The following GCNT1 variants were observed in gnomAD, a reference collection of about 807,000 sequenced individuals.
GCNT1 encodes beta-1,3-galactosyl-O-glycosyl-glycoprotein beta-1,6-N-acetylglucosaminyltransferase.
Under a neutral mutation model 26.2 loss-of-function variants are expected in GCNT1, and 16 were observed. The observed-to-expected ratio is 0.61, with a 90% CI of 0.41 to 0.93. The LOEUF (loss-of-function observed/expected upper bound fraction) is 0.93, where lower values mean the gene tolerates loss of function less well. Among genes scored for constraint, GCNT1 ranks in the 40% least tolerant of loss-of-function variants. GCNT1 has a pLI of 0.00. For synonymous variants in GCNT1, 183 were observed against 190.8 expected (o/e 0.96, Z 0.34); for missense variants, 477 against 526.7 (o/e 0.91, Z 0.92).
intron 1 of GCNT1, among the ~76,000 whole-genome samples, chr9:76,448,177 C>T (rs1201970979): frequency 1.3e-5 from 2 of 152,168 alleles, no homozygotes; most frequent in Admixed American, 6.5e-5. Context: ...CACAGCCAGG[C>T]GCGGTGGCTC....
At chr9:76,404,124 T>C in the GCNT1 span, among the ~76,000 whole-genome samples, 1 of 152,210 alleles carries the variant, frequency 6.6e-6, no homozygotes, top group African/African-American at 2.4e-5. Context: ...TTCTCTCAAA[T>C]TCATGATACC....
intron 1 of GCNT1, among the ~76,000 whole-genome samples, chr9:76,428,062 C>G (rs1055335330): frequency 2.0e-5 from 3 of 151,886 alleles, no homozygotes; most frequent in Non-Finnish European, 2.9e-5. Flanking sequence ...GTCAGGAGAT[C>G]GAGACCATCC....
chr9:76,436,652 C>T (rs549814091), intron 1 of GCNT1, among the ~76,000 whole-genome samples: 8 of 147,882 alleles, frequency 5.4e-5, no homozygotes, highest in East Asian at 3.9e-4. Context: ...CTGAAAATTT[C>T]GTCCATTTAC....
chr9:76,456,956 C>CA (rs1823767337), upstream of GCNT1, among the ~76,000 whole-genome samples: 1 of 152,220 alleles, frequency 6.6e-6, no homozygotes, highest in African/African-American at 2.4e-5. Flanking sequence ...GCCTGAGTAA[C>CA]AGAGTGAGAC....
intron 2 of GCNT1, among the ~76,000 whole-genome samples, chr9:76,477,824 C>T (rs1320705329): frequency 2.0e-5 from 3 of 152,206 alleles, no homozygotes; most frequent in Admixed American, 6.5e-5. Flanking sequence ...AACCATGCTA[C>T]TTTCTGCCTC....
chr9:76,485,016 A>T (rs1056006984), intron 2 of GCNT1, among the ~76,000 whole-genome samples: 4 of 152,014 alleles, frequency 2.6e-5, no homozygotes, highest in Non-Finnish European at 4.4e-5. Flanking sequence ...CTCAAACTCC[A>T]GACCTCATGA....
rs145950708 is a variant in GCNT1, at chr9:76,472,269, C to T, written c.-290+12092C>T. Among the ~76,000 whole-genome samples the T allele has an allele frequency of 3.5e-3, 535 of 152,178 alleles. 3 individuals carry two copies. Among genetic ancestry groups the T allele is most frequent in the African/African-American group, 0.011 (474 of 41,520 alleles). ...CTGTACTTCAGCCTGGGCAACAGAG[C>T]GAGACTTTGTCTCAAAGAAAAAAAG... On this transcript the variant is annotated intron_variant, in intron 2 of 3. Coordinates refer to ENST00000376730, the MANE Select transcript of GCNT1 (RefSeq NM_001490.5).
chr9:76,487,815 G>T (rs1824620707), intron 2 of GCNT1, among the ~76,000 whole-genome samples: 1 of 152,156 alleles, frequency 6.6e-6, no homozygotes, highest in African/African-American at 2.4e-5. Context: ...GCTTACTGCA[G>T]CCTTGACCTC....
At chr9:76,472,590 G>T (rs1437976605) in intron 2 of GCNT1, among the ~76,000 whole-genome samples, 1 of 152,080 alleles carries the variant, frequency 6.6e-6, no homozygotes, top group Non-Finnish European at 1.5e-5. Flanking sequence ...TGCTCTTCTT[G>T]TAAGTTTTCT....
Position 76,506,769 on chromosome 9 carries a change from T to A in GCNT1, c.*3101T>A, listed in dbSNP as rs1825249219. The stretch of plus-strand genomic sequence containing the variant: ...TTTCTAAACATATATTTATGTCATT[T>A]ATTAAGTACAGTTCACTTAAATAAC... On this transcript the variant is annotated 3_prime_UTR_variant, in exon 4 of 4. Transcript: ENST00000376730. 1 of 167,082 alleles carries A rather than the reference T, an allele frequency of 6.0e-6. No homozygotes were observed. The highest frequency in any genetic ancestry group is 2.4e-5 in the African/African-American group (1 of 41,460). The allele number at this position is 167,082 out of a possible 1,614,324, so 10.3% of individuals were successfully genotyped here. A position where few individuals can be genotyped will look rare whatever the true frequency, so the allele number is the denominator to read the frequency against.
chr9:76,478,819 T>C (rs749167587), intron 2 of GCNT1, among the ~76,000 whole-genome samples: 2 of 152,262 alleles, frequency 1.3e-5, no homozygotes, highest in Non-Finnish European at 2.9e-5. Flanking sequence ...GAAATTTGTA[T>C]GGGTAAAGCC....
intron 1 of GCNT1, among the ~76,000 whole-genome samples, chr9:76,431,477 G>C (rs931740646): frequency 2.3e-4 from 35 of 152,318 alleles, no homozygotes; most frequent in African/African-American, 8.4e-4. Context: ...GTCTGGGAGA[G>C]AACACAGAGC....
At chr9:76,470,135 G>A (rs1272332865) in intron 2 of GCNT1, among the ~76,000 whole-genome samples, 1 of 152,076 alleles carries the variant, frequency 6.6e-6, no homozygotes, top group East Asian at 1.9e-4. Flanking sequence ...TCTAAGTCAA[G>A]TGTAAATGTA....
intron 1 of GCNT1, among the ~76,000 whole-genome samples, chr9:76,448,813 C>T (rs1219288769): frequency 6.6e-6 from 1 of 152,184 alleles, no homozygotes; most frequent in Non-Finnish European, 1.5e-5. Flanking sequence ...TCTTAAATGT[C>T]ATTCCATTAT....
chr9:76,471,391 T>G (rs527820996), intron 2 of GCNT1, among the ~76,000 whole-genome samples: 53 of 152,302 alleles, frequency 3.5e-4, no homozygotes, highest in African/African-American at 1.2e-3. Flanking sequence ...ACCCCTATAC[T>G]GAAGACCTAG....
At chr9:76,396,652 G>A in the GCNT1 span, among the ~76,000 whole-genome samples, 1 of 151,968 alleles carries the variant, frequency 6.6e-6, no homozygotes, top group Non-Finnish European at 1.5e-5. Flanking sequence ...GACCAGCCTG[G>A]GCAACATGGT....
At chr9:76,435,316 C>T (rs988227099) in intron 1 of GCNT1, among the ~76,000 whole-genome samples, 3 of 152,230 alleles carry the variant, frequency 2.0e-5, no homozygotes, top group Middle Eastern at 3.4e-3. Flanking sequence ...TAGTCTTTCT[C>T]TTTATTTCTC....
At chr9:76,419,256 A>G (rs561269169), upstream of GCNT1, among the ~76,000 whole-genome samples, 96 of 152,324 alleles carry the variant, frequency 6.3e-4, no homozygotes, top group South Asian at 3.1e-3. Context: ...TCCAGAATAT[A>G]CACTCCATGA....
At chr9:76,459,468 C>G (rs890405863) in intron 1 of GCNT1, among the ~76,000 whole-genome samples, 163 bp downstream of exon 1, 1 of 152,144 alleles carries the variant, frequency 6.6e-6, no homozygotes, top group Admixed American at 6.5e-5. Flanking sequence ...CGCCCGGGAC[C>G]GGAATGGAGC....
Sources: gnomAD v4.1 joint callset for allele counts (sites outside exome capture counted in the v4.1 genomes callset) on GRCh38, gnomAD v4.1.1 for gene constraint, MANE v1.5 for transcripts, NCBI Gene and HGNC (gene_info 2026-07-23, HGNC 2026-07-21) for gene names.